UTP25: variants seen among roughly 807,000 people sequenced by gnomAD.
The protein encoded by UTP25 is UTP25 small subunit processome component.
Under a neutral mutation model 78.9 loss-of-function variants are expected in UTP25, and 50 were observed. That is an observed-to-expected ratio of 0.63 (90% confidence interval 0.50 to 0.80). UTP25 has a LOEUF of 0.80. UTP25 is among the 30% of genes least tolerant of loss of function. The pLI is 0.00. For missense variants in UTP25, 846 were observed against 911.3 expected (o/e 0.93, Z 0.92); for synonymous variants, 329 against 336.5 (o/e 0.98, Z 0.24).
At position 209,836,951 on chromosome 1, in the gene UTP25, C is replaced by T. The variant is rs749384173; in HGVS notation, c.802C>T (p.Pro268Ser). The T allele has an allele frequency of 3.7e-6, 6 of 1,614,090 alleles. No homozygotes were observed. The highest frequency in any genetic ancestry group is 1.7e-5 in the Admixed American group (1 of 60,002). ...GACCAACAGCCAGTTCCTATCTGGT[C>T]CCCAAAAATCAAGCAGCCCATTCAC... Reference protein sequence around the residue: ...TKTNSQFLSGPQKSSSPFTPL... With the variant: ...TKTNSQFLSGSQKSSSPFTPL... Residue 268 changes from proline to serine, a missense_variant, in exon 6 of 12, where the codon CCC becomes TCC. Coordinates refer to ENST00000491415, the MANE Select transcript of UTP25 (RefSeq NM_014388.7).
At chr1:209,846,611 C>T (rs768740747) in intron 11 of UTP25, among the ~76,000 whole-genome samples, 6 of 152,084 alleles carry the variant, frequency 3.9e-5, no homozygotes, top group Non-Finnish European at 7.4e-5. Context: ...AACAGTGGCT[C>T]GTGAAATAGA....
intron 5 of UTP25, among the ~76,000 whole-genome samples, chr1:209,835,536 A>G (rs956240320): frequency 2.0e-5 from 3 of 152,326 alleles, no homozygotes; most frequent in Admixed American, 6.5e-5. Context: ...ACTAATACAT[A>G]GTGTTCAGTA....
Position 209,843,437 on chromosome 1 carries a change from C to G in UTP25, c.1782-14C>G, listed in dbSNP as rs757208649. ...CTCTAGACATTAATTTTGCCCTTTG[C>G]CATTCCAAATCAGGTTTAACTTTTT... is the stretch of plus-strand genomic sequence containing the variant. On this transcript the variant is annotated splice_polypyrimidine_tract_variant and intron_variant, in intron 10 of 11. Transcript: ENST00000491415. 3 of 1,612,754 alleles carry G rather than the reference C, an allele frequency of 1.9e-6. No homozygotes were observed. The highest frequency in any genetic ancestry group is 2.5e-6 in the Non-Finnish European group (3 of 1,179,166).
Position 209,828,147 on chromosome 1 carries a change from C to G in UTP25, c.84C>G (p.Gly28=), listed in dbSNP as rs753530940. 6.2e-7 allele frequency: 1 copy of G among 1,613,970 alleles called. No homozygotes were observed. The highest frequency in any genetic ancestry group is 1.3e-5 in the African/African-American group (1 of 74,934). ...AGAAGAAACATCTTCGAGATTTCGG[C>G]GAGGAGCATCCCTTCTATGACAGGT... ...KKQKKHLRDF[G]EEHPFYDRVS... The change falls in exon 1 of 12, where the codon GGC becomes GGG. Residue 28 remains glycine (G), a synonymous_variant. Coordinates refer to ENST00000491415, the MANE Select transcript of UTP25 (RefSeq NM_014388.7).
chr1:209,833,139 T>C (rs2078112388), intron 3 of UTP25, 46 bp from the exon 4 acceptor site: 5 of 1,556,454 alleles, frequency 3.2e-6, no homozygotes, highest in Non-Finnish European at 4.4e-6. Flanking sequence ...AACAGAAGTA[T>C]AATTTGTGAG....
At position 209,856,381 on chromosome 1, in the gene UTP25, C is replaced by G. The variant is rs575731105; in HGVS notation, c.*4934C>G. On this transcript the variant is annotated 3_prime_UTR_variant, in exon 12 of 12. Transcript: ENST00000491415. The stretch of plus-strand genomic sequence containing the variant: ...AAGCACTAACTACTGAGCAGGACTT[C>G]TAGGGGAGTTCTTTAAAACTCAGAG... 2 of 152,318 alleles carry G rather than the reference C, an allele frequency of 1.3e-5. No individual in the cohort carries two copies. The highest frequency in any genetic ancestry group is 2.1e-4 in the South Asian group (1 of 4,828). 9.4% of individuals were successfully genotyped at this position (152,318 alleles called of 1,614,324 possible). A position where few individuals can be genotyped will look rare whatever the true frequency, so the allele number is the denominator to read the frequency against.
rs1190295257 is a variant in UTP25, at chr1:209,840,882, C to T, written c.1312C>T (p.Leu438Phe). 1.2e-6 allele frequency: 2 copies of T among 1,612,890 alleles called. No individual in the cohort carries two copies. Among genetic ancestry groups the T allele is most frequent in the East Asian group, 4.5e-5 (2 of 44,896 alleles). ...GVAILQRSIR[L>F]YAPFYSSDIL... is the part of the protein sequence containing the mutation. ...GGCAATACTTCAGAGAAGCATCCGA[C>T]TCTATGCCCCGTTTTACTCCTCGGA... is the stretch of plus-strand genomic sequence containing the variant. The change falls in exon 8 of 12, where the codon CTC becomes TTC. Residue 438 changes from leucine (L) to phenylalanine (F), a missense_variant. Transcript: ENST00000491415.
intron 5 of UTP25, 88 bp downstream of exon 5, chr1:209,835,251 A>G: frequency 8.9e-7 from 1 of 1,117,792 alleles, no homozygotes; most frequent in Non-Finnish European, 1.3e-6. Flanking sequence ...CCCAGAATGT[A>G]TGATATACAC....
At chr1:209,835,662 C>A (rs1272794978) in intron 5 of UTP25, among the ~76,000 whole-genome samples, 2 of 152,102 alleles carry the variant, frequency 1.3e-5, no homozygotes, top group Non-Finnish European at 2.9e-5. Context: ...TTTGTTCTTA[C>A]CACTGATGCC....
intron 6 of UTP25, among the ~76,000 whole-genome samples, chr1:209,837,774 T>G (rs148386669): frequency 0.01 from 1,533 of 152,304 alleles, 24 homozygotes; most frequent in African/African-American, 0.035. Context: ...AAGTCTAAGC[T>G]CTAGTGGATT....
At chr1:209,829,154 A>G (rs2078088420) in intron 1 of UTP25, among the ~76,000 whole-genome samples, 1 of 152,242 alleles carries the variant, frequency 6.6e-6, no homozygotes, top group South Asian at 2.1e-4. Context: ...ATAACAATAC[A>G]TGTACCCAAT....
rs1320337665 is a variant in UTP25, at chr1:209,857,429, AATC to A, written c.*5984_*5986del. 2.0e-5 allele frequency: 3 copies of A among 152,188 alleles called. No individual in the cohort carries two copies. The highest frequency in any genetic ancestry group is 2.9e-5 in the Non-Finnish European group (2 of 68,034). The allele number at this position is 152,188 out of a possible 1,614,324, so 9.4% of individuals were successfully genotyped here. A position where few individuals can be genotyped will look rare whatever the true frequency, so the allele number is the denominator to read the frequency against. ...TACAAGTGAAATAGTGAAAAACAAA[AATC>A]AAACTACATCTATTTGGTGATCATT... On this transcript the variant is annotated 3_prime_UTR_variant, in exon 12 of 12. Transcript: ENST00000491415.
At position 209,838,982 on chromosome 1, in the gene UTP25, A is replaced by C; in HGVS notation, c.1136A>C (p.Asp379Ala). ...VQLFISLLEG[D>A]SKKKIIVSNK... Reference sequence around the variant, plus strand: ...CTCTTCATCAGCCTCCTCGAGGGTGACAGCAAGAAGAAAATCATTGTGAGC... The same window carrying C: ...CTCTTCATCAGCCTCCTCGAGGGTGCCAGCAAGAAGAAAATCATTGTGAGC... The change falls in exon 7 of 12, where the codon GAC becomes GCC. Residue 379 changes from aspartate to alanine, a missense_variant. By Grantham distance (126) the Asp-to-Ala change is moderately radical. Transcript: ENST00000491415. 1 of 1,614,126 alleles carries C rather than the reference A, an allele frequency of 6.2e-7. No homozygotes were observed. Among genetic ancestry groups the C allele is most frequent in the South Asian group, 1.1e-5 (1 of 91,082 alleles).
Position 209,828,093 on chromosome 1 carries a change from C to T in UTP25, c.30C>T (p.Ser10=), listed in dbSNP as rs746771674. ...GCAAACGCGGGAGCCGGAGCCAGAG[C>T]CAGCTACTCAACACCCTAACTAAAA... is the stretch of plus-strand genomic sequence containing the variant. MGKRGSRSQ[S]QLLNTLTKKQ... The change falls in exon 1 of 12, where the codon AGC becomes AGT. Residue 10 remains serine, a synonymous_variant. Transcript: ENST00000491415. 8 of 1,614,146 alleles carry T rather than the reference C, an allele frequency of 5.0e-6. 1 individual carries two copies. In the South Asian group the frequency reaches 7.7e-5, roughly 16 times the overall value.
Position 209,830,158 on chromosome 1 carries a change from C to G in UTP25, c.147+11C>G. 2 of 1,607,532 alleles carry G rather than the reference C, an allele frequency of 1.2e-6. No individual in the cohort carries two copies. Among genetic ancestry groups the G allele is most frequent in the Non-Finnish European group, 1.7e-6 (2 of 1,176,278 alleles). Reference sequence around the variant, plus strand: ...CAGATTTGTCAACTGGTAATGCTTTCTACCTTCTTTTTAATAGTTGGTTTT... The same window carrying G: ...CAGATTTGTCAACTGGTAATGCTTTGTACCTTCTTTTTAATAGTTGGTTTT... On this transcript the variant is annotated intron_variant, in intron 2 of 11. Transcript: ENST00000491415.
intron 7 of UTP25, among the ~76,000 whole-genome samples, chr1:209,839,683 T>A (rs2078155397): frequency 6.6e-6 from 1 of 152,198 alleles, no homozygotes; most frequent in Non-Finnish European, 1.5e-5. Flanking sequence ...TGGGGAAATG[T>A]TCATTAGTCA....
rs1042789787 is a variant in UTP25 at position 209,853,954 on chromosome 1, A to C, written c.*2507A>C. The C allele has an allele frequency of 1.3e-5, 2 of 152,246 alleles. No individual in the cohort carries two copies. The highest frequency in any genetic ancestry group is 2.9e-5 in the Non-Finnish European group (2 of 68,042). 9.4% of individuals were successfully genotyped at this position (152,246 alleles called of 1,614,324 possible). ...AGTAGTGTTGCTTTGTTCCTGGCTC[A>C]GCACCTGAAAAGAAGGTAAGCCTCT... On this transcript the variant is annotated 3_prime_UTR_variant, in exon 12 of 12. Transcript: ENST00000491415.
chr1:209,857,400 C>A lies in UTP25; in HGVS notation c.*5953C>A, dbSNP rs780322743. On this transcript the variant is annotated 3_prime_UTR_variant, in exon 12 of 12. Transcript: ENST00000491415. ...AAAAAAGCAACCCATGCCCATTCCA[C>A]AAATACAAGTGAAATAGTGAAAAAC... 1.3e-5 allele frequency: 2 copies of A among 151,942 alleles called. No homozygotes were observed. Among genetic ancestry groups the A allele is most frequent in the Non-Finnish European group, 2.9e-5 (2 of 68,014 alleles). The allele number at this position is 151,942 out of a possible 1,614,324, so 9.4% of individuals were successfully genotyped here.
Position 209,842,365 on chromosome 1 carries a change from G to T in UTP25, c.1586G>T (p.Arg529Leu), listed in dbSNP as rs751251891. The T allele has an allele frequency of 1.9e-6, 3 of 1,614,078 alleles. No homozygotes were observed. Among genetic ancestry groups the T allele is most frequent in the Admixed American group, 1.7e-5 (1 of 60,018 alleles). ...WSLNNWSKYY[R>L]QTLLFGALQD... The stretch of plus-strand genomic sequence containing the variant: ...CTCAATAATTGGTCCAAGTACTATC[G>T]CCAGACACTGCTATTTGGGGCCCTT... The change falls in exon 9 of 12, where the codon CGC becomes CTC. Residue 529 changes from arginine to leucine, a missense_variant. Transcript: ENST00000491415.
Sources: allele counts gnomAD v4.1 joint callset (sites outside exome capture counted in the v4.1 genomes callset), GRCh38; gene constraint gnomAD v4.1.1; transcripts MANE v1.5; gene names NCBI Gene and HGNC (gene_info 2026-07-23, HGNC 2026-07-21).